The following IGSF21 variants were observed in gnomAD, a reference collection of about 807,000 sequenced individuals.
The protein encoded by IGSF21 is immunoglobin superfamily member 21, also known as immunoglobulin superfamily member 21.
A neutral mutation model predicts 46.8 loss-of-function variants in IGSF21; 28 were observed. That is an observed-to-expected ratio of 0.60 (90% CI 0.44 to 0.82). The LOEUF (loss-of-function observed/expected upper bound fraction) is 0.82. Among genes scored for constraint, IGSF21 ranks in the 40% least tolerant of loss-of-function variants. The probability of loss-of-function intolerance (pLI) is 0.00; values close to 1 mark genes in which losing one functional copy is unlikely to be tolerated. For synonymous variants in IGSF21, 284 were observed against 273.6 expected, an observed-to-expected ratio of 1.04 and a Z score of -0.38; for missense variants, 624 against 665.5, an observed-to-expected ratio of 0.94 and a Z score of 0.69.
chr1:18,362,169 G>A lies in IGSF21; in HGVS notation c.479G>A (p.Arg160His), dbSNP rs140409401. Reference sequence around the variant, plus strand: ...GCTGACACACCAGCCCCCTTCAGCCGCTACCAAGCCCAGAACTTCACGCTG... The same window carrying A: ...GCTGACACACCAGCCCCCTTCAGCCACTACCAAGCCCAGAACTTCACGCTG... ...VAADTPAPFS[R>H]YQAQNFTLVC... The change falls in exon 5 of 10, where the codon CGC becomes CAC. Residue 160 changes from arginine to histidine, a missense_variant. By Grantham distance (29) the Arg-to-His change is conservative. Transcript: ENST00000251296. The A allele has an allele frequency of 1.7e-4, 275 of 1,613,196 alleles. 2 individuals carry two copies. Among genetic ancestry groups the A allele is most frequent in the East Asian group, 1.6e-3 (72 of 44,860 alleles).
intron 2 of IGSF21, among the ~76,000 whole-genome samples, chr1:18,288,801 C>G (rs371973332): frequency 1.1e-4 from 17 of 152,188 alleles, no homozygotes; most frequent in African/African-American, 4.1e-4. Flanking sequence ...GGGGCCTGCC[C>G]TCCAGATCCC....
chr1:18,376,194 T>C (rs1453222474), intron 6 of IGSF21, 116 bp from the exon 7 acceptor site: 1 of 769,602 alleles, frequency 1.3e-6, no homozygotes, highest in East Asian at 2.5e-5. Flanking sequence ...CACACTGAGC[T>C]TCTCACAGAA....
In IGSF21 at chr1:18,109,263, G is replaced by C. The variant is rs979587152; in HGVS notation, c.70+1065G>C. On this transcript the variant is annotated intron_variant, in intron 1 of 9. Transcript: ENST00000251296. This position sits in a 1 kb window ranked among gnomAD's most constrained non-coding sequence, Gnocchi z 4.8. ...GGACCAGCGAAGAGCCGCAGGCACC[G>C]AGACTACAGGCTCCGCGTCCGGGAT... 4 of 150,996 alleles carry C rather than the reference G, an allele frequency of 2.6e-5. No homozygotes were observed. The highest frequency in any genetic ancestry group is 5.9e-5 in the Non-Finnish European group (4 of 68,028). The allele number at this position is 150,996 out of a possible 1,614,324, so 9.4% of individuals were successfully genotyped here.
intron 3 of IGSF21, among the ~76,000 whole-genome samples, chr1:18,311,344 C>T (rs939413282): frequency 6.6e-6 from 1 of 152,142 alleles, no homozygotes; most frequent in Non-Finnish European, 1.5e-5. Context: ...AATCACTGTC[C>T]CCAGGAGCCT....
At chr1:18,127,520 C>A (rs1234674887) in intron 1 of IGSF21, among the ~76,000 whole-genome samples, 1 of 152,040 alleles carries the variant, frequency 6.6e-6, no homozygotes, top group African/African-American at 2.4e-5. Context: ...GTGGGGCCTA[C>A]TTAGGTCTGA....
intron 1 of IGSF21, among the ~76,000 whole-genome samples, chr1:18,153,375 C>G (rs1024651961): frequency 1.1e-4 from 17 of 152,200 alleles, no homozygotes; most frequent in Non-Finnish European, 2.2e-4. Flanking sequence ...GCAGAGGAGG[C>G]CCCAGCCAGA....
rs1006282265 is a variant in IGSF21, at chr1:18,322,862, C to T, written c.306-12030C>T. ...TGGAGAGGAAGCCGGTGGAGAAGAG[C>T]GGGAGATGTCGGAATGGGTGAAGGG... On this transcript the variant is annotated intron_variant, in intron 3 of 9. Coordinates refer to ENST00000251296, the MANE Select transcript of IGSF21 (RefSeq NM_032880.5). This position sits in a 1 kb window ranked among gnomAD's most constrained non-coding sequence, Gnocchi z 4.3. 1.1e-4 allele frequency among the ~76,000 whole-genome samples: 16 copies of T among 152,044 alleles called. No homozygotes were observed. The highest frequency in any genetic ancestry group is 4.6e-4 in the Admixed American group (7 of 15,266).
intron 1 of IGSF21, among the ~76,000 whole-genome samples, chr1:18,193,078 G>GC (rs1032901413): frequency 9.9e-5 from 15 of 152,002 alleles, no homozygotes; most frequent in Admixed American, 6.6e-5. Flanking sequence ...AGGGGAAAGA[G>GC]AAGTGGCCCA....
intron 2 of IGSF21, among the ~76,000 whole-genome samples, chr1:18,247,024 C>T (rs2084791601): frequency 6.6e-6 from 1 of 151,688 alleles, no homozygotes; most frequent in African/African-American, 2.4e-5. Flanking sequence ...GATGTGAATT[C>T]CCAAAAGTTG....
intron 1 of IGSF21, among the ~76,000 whole-genome samples, chr1:18,208,161 C>T (rs929677520): frequency 6.6e-6 from 1 of 151,388 alleles, no homozygotes. Context: ...TGCCTGAGGG[C>T]CCCTGGGAGG....
At position 18,378,438 on chromosome 1, in the gene IGSF21, G is replaced by C. The variant is rs540772964; in HGVS notation, c.*112G>C. 1.1e-6 allele frequency: 1 copy of C among 899,704 alleles called. No homozygotes were observed. Among genetic ancestry groups the C allele is most frequent in the African/African-American group, 1.7e-5 (1 of 59,612 alleles). 55.7% of individuals were successfully genotyped at this position (899,704 alleles called of 1,614,324 possible). ...TTAGTCTCTTTCCATCTGTGTCTTG[G>C]CTTCTTCAGTCGGTTTAATTAAAAC... On this transcript the variant is annotated 3_prime_UTR_variant, in exon 10 of 10. Coordinates refer to ENST00000251296, the MANE Select transcript of IGSF21 (RefSeq NM_032880.5).
At chr1:18,222,088 G>A (rs770994400) in intron 1 of IGSF21, among the ~76,000 whole-genome samples, 38 of 152,264 alleles carry the variant, frequency 2.5e-4, no homozygotes, top group Middle Eastern at 3.4e-3. Flanking sequence ...CTTCACCGCT[G>A]TGCTCCTGGC....
chr1:18,122,389 C>T (rs2086242797), intron 1 of IGSF21, among the ~76,000 whole-genome samples: 1 of 151,524 alleles, frequency 6.6e-6, no homozygotes, highest in Admixed American at 6.6e-5. Flanking sequence ...CAGGGTTTTG[C>T]CATGTTGGCC....
chr1:18,322,709 G>A lies in IGSF21; in HGVS notation c.306-12183G>A, dbSNP rs2085615924. On this transcript the variant is annotated intron_variant, in intron 3 of 9. Transcript: ENST00000251296. This position sits in a 1 kb window ranked among gnomAD's most constrained non-coding sequence, Gnocchi z 4.3. The stretch of plus-strand genomic sequence containing the variant: ...AACACTCTGAACCCTGGGCCCTCCC[G>A]CCCCTGCCCACCCCTGAACCCAGAG... Among the ~76,000 whole-genome samples the A allele has an allele frequency of 2.0e-5, 3 of 149,212 alleles. No individual in the cohort carries two copies. The highest frequency in any genetic ancestry group is 4.4e-4 in the South Asian group (2 of 4,558).
At chr1:18,195,346 T>G (rs1012702081) in intron 1 of IGSF21, among the ~76,000 whole-genome samples, 6 of 152,186 alleles carry the variant, frequency 3.9e-5, no homozygotes, top group Non-Finnish European at 7.3e-5. Flanking sequence ...TGGGGTGCTC[T>G]GGGTGCCATC....
At chr1:18,294,306 G>A (rs1027783115) in intron 3 of IGSF21, among the ~76,000 whole-genome samples, 1 of 152,142 alleles carries the variant, frequency 6.6e-6, no homozygotes, top group African/African-American at 2.4e-5. Context: ...CATGTTTGCT[G>A]CCATTGCCTA....
At chr1:18,152,733 G>A (rs1380728138) in intron 1 of IGSF21, among the ~76,000 whole-genome samples, 2 of 152,080 alleles carry the variant, frequency 1.3e-5, no homozygotes, top group Admixed American at 1.3e-4. Context: ...TTCTCATCAT[G>A]CATTGTTATA....
At chr1:18,116,844 G>A (rs1449712895) in intron 1 of IGSF21, among the ~76,000 whole-genome samples, 1 of 152,242 alleles carries the variant, frequency 6.6e-6, no homozygotes, top group Non-Finnish European at 1.5e-5. Flanking sequence ...GGTCAGGAGT[G>A]GTTTCCAGGC....
Position 18,153,147 on chromosome 1 carries a change from G to A in IGSF21, c.70+44949G>A, listed in dbSNP as rs190465003. Among the ~76,000 whole-genome samples, 29 of 152,286 alleles carry A rather than the reference G, an allele frequency of 1.9e-4. No homozygotes were observed. In the South Asian group the frequency reaches 3.7e-3, roughly 20 times the overall value. On this transcript the variant is annotated intron_variant, in intron 1 of 9. Coordinates refer to ENST00000251296, the MANE Select transcript of IGSF21 (RefSeq NM_032880.5). ...CACCACAGGGTCCTGAAAGGAGAAG[G>A]TTTGCTCCCAGCCGCTCTGCTGGCT...
Sources: allele counts gnomAD v4.1 joint callset (sites outside exome capture counted in the v4.1 genomes callset), GRCh38; gene constraint gnomAD v4.1.1; non-coding constraint Gnocchi (gnomAD v3.1); transcripts MANE v1.5; gene names NCBI Gene and HGNC (gene_info 2026-07-23, HGNC 2026-07-21).